LUM: variants seen among roughly 807,000 people sequenced by gnomAD.
The protein encoded by LUM is lumican.
Under a neutral mutation model 20.5 loss-of-function variants are expected in LUM, and 13 were observed. The observed-to-expected ratio is 0.63, with a 90% CI of 0.41 to 1.01. LUM has a LOEUF of 1.01. LUM is among the 50% of genes least tolerant of loss of function. The pLI is 0.00. For missense variants in LUM, 321 were observed against 391.1 expected (o/e 0.82, Z 1.51); for synonymous variants, 173 against 151.5 (o/e 1.14, Z -1.04).
At chr12:91,106,863 G>C (rs1880045484) in intron 2 of LUM, among the ~76,000 whole-genome samples, 1 of 151,950 alleles carries the variant, frequency 6.6e-6, no homozygotes, top group African/African-American at 2.4e-5. Context: ...AGTAGTTGAT[G>C]TCAGGGAAGA....
In LUM at chr12:91,104,224, T is replaced by C. The variant is rs1879978670; in HGVS notation, c.958A>G (p.Ser320Gly). 1.2e-6 allele frequency: 2 copies of C among 1,612,824 alleles called. No homozygotes were observed. The highest frequency in any genetic ancestry group is 1.1e-5 in the South Asian group (1 of 91,004). ...RLDGNRISETSLPPDMYECLR... is the reference protein window; with the variant it reads ...RLDGNRISETGLPPDMYECLR... ...CATTCATACATATCCGGTGGAAGAC[T>C]GGTTTCTGAGATGCGATTGCCATCC... The change falls in exon 3 of 3, where the codon AGT (serine) becomes GGT (glycine). Residue 320 changes from serine to glycine, a missense_variant. Physicochemically the swap from Ser to Gly is moderately conservative, Grantham distance 56. Coordinates refer to ENST00000266718, the MANE Select transcript of LUM (RefSeq NM_002345.4).
At chr12:91,106,910 G>A (rs1482842729) in intron 2 of LUM, among the ~76,000 whole-genome samples, 5 of 151,816 alleles carry the variant, frequency 3.3e-5, no homozygotes, top group African/African-American at 7.3e-5. Context: ...AGTGGCTCAC[G>A]CCTGTAATCC....
rs1880201715 is a variant in LUM, at chr12:91,111,451, A to G, written c.-75T>C. On this transcript the variant is annotated 5_prime_UTR_variant, in exon 1 of 3. Transcript: ENST00000266718. ...TTCTTAAAGCAGATGCACTATGGAC[A>G]AGAATCCACCAATATATGCTGTGAA... 6.6e-6 allele frequency: 1 copy of G among 152,004 alleles called. No homozygotes were observed. Among genetic ancestry groups the G allele is most frequent in the East Asian group, 1.9e-4 (1 of 5,168 alleles). The allele number at this position is 152,004 out of a possible 1,614,324, so 9.4% of individuals were successfully genotyped here.
At chr12:91,107,310 A>AG (rs1491511826) in intron 2 of LUM, among the ~76,000 whole-genome samples, 34 of 139,416 alleles carry the variant, frequency 2.4e-4, no homozygotes, top group African/African-American at 8.2e-4. Flanking sequence ...AGAAAGAAAG[A>AG]AAGAAAGAAA....
intron 1 of LUM, among the ~76,000 whole-genome samples, chr12:91,109,270 C>T (rs1306067826): frequency 2.5e-3 from 1 of 402 alleles, no homozygotes; most frequent in East Asian, 0.25. Context: ...AGTCAATCTC[C>T]AGGCTCTTCC....
In LUM at chr12:91,108,078, C is replaced by T. The variant is rs1297473248; in HGVS notation, c.862+40G>A. ...GTTGTGCAGCCCAGGTATTTAAACA[C>T]TTGAGCACACATCAAACACAGGAAC... On this transcript the variant is annotated intron_variant, in intron 2 of 2. Transcript: ENST00000266718. The surrounding 1 kb of genome is among the most constrained non-coding windows in gnomAD (Gnocchi z 4.2). The T allele has an allele frequency of 9.9e-6, 16 of 1,609,712 alleles. No individual in the cohort carries two copies. The highest frequency in any genetic ancestry group is 1.4e-5 in the Non-Finnish European group (16 of 1,176,516).
chr12:91,110,968 C>A (rs369193294), intron 1 of LUM, among the ~76,000 whole-genome samples: 1 of 152,046 alleles, frequency 6.6e-6, no homozygotes, highest in Non-Finnish European at 1.5e-5. Flanking sequence ...TAACATAGAA[C>A]GTTTATTGTA....
Position 91,103,447 on chromosome 12 carries a change from T to C in LUM, c.*718A>G, listed in dbSNP as rs1448371890. On this transcript the variant is annotated 3_prime_UTR_variant, in exon 3 of 3. Transcript: ENST00000266718. ...GTGGAAAATCCTATGTTCACATCAG[T>C]AAAATATTGCAGGCCAGAGATATCT... 1 of 152,106 alleles carries C rather than the reference T, an allele frequency of 6.6e-6. No homozygotes were observed. The highest frequency in any genetic ancestry group is 1.5e-5 in the Non-Finnish European group (1 of 67,972). 9.4% of individuals were successfully genotyped at this position (152,106 alleles called of 1,614,324 possible).
chr12:91,108,193 A>G lies in LUM; in HGVS notation c.787T>C (p.Tyr263His). ...GTTGGTATGTTTTTAAGCTTGTTAT[A>G]GGACAGATCCAGCTCAACCAGGGAT... Reference protein sequence around the residue: ...VSSLVELDLSYNKLKNIPTVN... With the variant: ...VSSLVELDLSHNKLKNIPTVN... Residue 263 changes from tyrosine (Y) to histidine (H), a missense_variant, in exon 2 of 3, where the codon TAT becomes CAT. Tyr to His is a moderately conservative substitution (Grantham distance 83). Transcript: ENST00000266718. The surrounding 1 kb of genome is among the most constrained non-coding windows in gnomAD (Gnocchi z 4.2). 1 of 1,614,084 alleles carries G rather than the reference A, an allele frequency of 6.2e-7. No homozygotes were observed. Among genetic ancestry groups the G allele is most frequent in the South Asian group, 1.1e-5 (1 of 91,082 alleles).
At chr12:91,104,464 C>T (rs1879987151) in intron 2 of LUM, 145 bp from the exon 3 acceptor site, 2 of 554,760 alleles carry the variant, frequency 3.6e-6, no homozygotes, top group Non-Finnish European at 6.1e-6. Context: ...GAATTTGCAA[C>T]CATTAAAGGC....
rs1382970382 is a variant in LUM, at chr12:91,109,381, G to T, written c.-21-381C>A. Among the ~76,000 whole-genome samples the T allele has an allele frequency of 5.3e-5, 8 of 152,164 alleles. No individual in the cohort carries two copies. In the East Asian group the frequency reaches 1.3e-3, roughly 26 times the overall value. ...ATCTCTCAAAAAAAGAGAATGAGAA[G>T]ACAGTTTTTAACTGTATACTCTACC... On this transcript the variant is annotated intron_variant, in intron 1 of 2. Coordinates refer to ENST00000266718, the MANE Select transcript of LUM (RefSeq NM_002345.4).
intron 1 of LUM, among the ~76,000 whole-genome samples, chr12:91,110,189 G>A (rs191436548): frequency 6.6e-6 from 1 of 152,162 alleles, no homozygotes; most frequent in Non-Finnish European, 1.5e-5. Context: ...AATCATTAAT[G>A]TGACGAAAGA....
At chr12:91,109,345 T>C (rs939532396) in intron 1 of LUM, among the ~76,000 whole-genome samples, 1 of 152,216 alleles carries the variant, frequency 6.6e-6, no homozygotes, top group African/African-American at 2.4e-5. Flanking sequence ...ATTAGACTAC[T>C]GCTTCAGATC....
intron 1 of LUM, among the ~76,000 whole-genome samples, chr12:91,110,038 G>T (rs1310200843): frequency 6.6e-6 from 1 of 152,146 alleles, no homozygotes; most frequent in Admixed American, 6.6e-5. Context: ...ATAGGAACAT[G>T]TTTCTAAGGT....
At chr12:91,104,619 T>C (rs1010928363) in intron 2 of LUM, among the ~76,000 whole-genome samples, 1 of 152,166 alleles carries the variant, frequency 6.6e-6, no homozygotes, top group Admixed American at 6.6e-5. Flanking sequence ...AAGTGTGTCA[T>C]ATTATCTAAC....
rs748953525 is a variant in LUM, at chr12:91,108,396, T to C, written c.584A>G (p.Gln195Arg). The C allele has an allele frequency of 1.9e-6, 3 of 1,614,190 alleles. No individual in the cohort carries two copies. Among genetic ancestry groups the C allele is most frequent in the Non-Finnish European group, 2.5e-6 (3 of 1,180,026 alleles). The stretch of plus-strand genomic sequence containing the variant: ...GAGACCAGAAGGCAGTCTGGCTATC[T>C]GATTGAAGCTCAAGTCAAGGTATTC... ...SLEYLDLSFN[Q>R]IARLPSGLPV... Residue 195 changes from glutamine (Q) to arginine (R), a missense_variant, in exon 2 of 3, where the codon CAG becomes CGG. By Grantham distance (43) the Gln-to-Arg change is conservative. Coordinates refer to ENST00000266718, the MANE Select transcript of LUM (RefSeq NM_002345.4). This position sits in a 1 kb window ranked among gnomAD's most constrained non-coding sequence, Gnocchi z 4.2.
At chr12:91,107,352 AAAGG>A (rs1308202483) in intron 2 of LUM, among the ~76,000 whole-genome samples, 1 of 150,828 alleles carries the variant, frequency 6.6e-6, no homozygotes. Flanking sequence ...AAAGGGAAAG[AAAGG>A]AAGGAAGAAA....
intron 2 of LUM, among the ~76,000 whole-genome samples, chr12:91,106,351 A>G (rs1388131506): frequency 6.6e-6 from 1 of 152,126 alleles, no homozygotes; most frequent in Non-Finnish European, 1.5e-5. Context: ...TTATTACTTT[A>G]TATGTGAATC....
At position 91,104,214 on chromosome 12, in the gene LUM, G is replaced by C; in HGVS notation, c.968C>G (p.Pro323Arg). 1 of 1,612,406 alleles carries C rather than the reference G, an allele frequency of 6.2e-7. No homozygotes were observed. Among genetic ancestry groups the C allele is most frequent in the Non-Finnish European group, 8.5e-7 (1 of 1,178,786 alleles). The change falls in exon 3 of 3, where the codon CCG (proline) becomes CGG (arginine). Residue 323 changes from proline to arginine, a missense_variant. Physicochemically the swap from Pro to Arg is moderately radical, Grantham distance 103. Transcript: ENST00000266718. Reference sequence around the variant, plus strand: ...AACACGTAGACATTCATACATATCCGGTGGAAGACTGGTTTCTGAGATGCG... The same window carrying C: ...AACACGTAGACATTCATACATATCCCGTGGAAGACTGGTTTCTGAGATGCG... ...GNRISETSLP[P>R]DMYECLRVAN...
Sources: allele counts gnomAD v4.1 joint callset (sites outside exome capture counted in the v4.1 genomes callset), GRCh38; gene constraint gnomAD v4.1.1; non-coding constraint Gnocchi (gnomAD v3.1); transcripts MANE v1.5; gene names NCBI Gene and HGNC (gene_info 2026-07-23, HGNC 2026-07-21).